CTNNA2: variants seen among roughly 807,000 people sequenced by gnomAD.
The protein encoded by CTNNA2 is catenin alpha 2, also known as catenin alpha-2.
Under a neutral mutation model 101.0 loss-of-function variants are expected in CTNNA2, and 42 were observed. The observed-to-expected ratio is 0.42, with a 90% CI of 0.32 to 0.54. The LOEUF is 0.54. Ranked by LOEUF, CTNNA2 falls within the 20% of genes least tolerant of loss-of-function variation. The pLI is 0.14. For missense variants in CTNNA2, 871 were observed against 1,223.1 expected (o/e 0.71, Z 4.29); for synonymous variants, 450 against 456.4 (o/e 0.99, Z 0.18).
intron 12 of CTNNA2, among the ~76,000 whole-genome samples, chr2:80,557,763 C>G (rs80026444): frequency 0.017 from 2,620 of 152,226 alleles, 76 homozygotes; most frequent in African/African-American, 0.059. Flanking sequence ...AATCTAAAGG[C>G]AAGGACAATT....
intron 3 of CTNNA2, among the ~76,000 whole-genome samples, chr2:79,782,966 CT>C (rs36059702): frequency 0.17 from 24,592 of 145,718 alleles, 3,801 homozygotes; most frequent in African/African-American, 0.4. Context: ...TCTTGACAGT[CT>C]TTTTTTTTTT....
intron 3 of CTNNA2, among the ~76,000 whole-genome samples, chr2:79,822,768 A>G (rs1198379565): frequency 1.3e-5 from 2 of 152,134 alleles, no homozygotes; most frequent in Non-Finnish European, 2.9e-5. Context: ...CACACACCTT[A>G]TATCTGGCCT....
intron 3 of CTNNA2, among the ~76,000 whole-genome samples, chr2:79,804,493 C>G (rs1676412122): frequency 6.6e-6 from 1 of 152,100 alleles, no homozygotes. Flanking sequence ...TTGAACTTTT[C>G]TTGCAGCAGT....
intron 9 of CTNNA2, among the ~76,000 whole-genome samples, chr2:80,520,443 C>G (rs1689447369): frequency 6.6e-6 from 1 of 152,062 alleles, no homozygotes; most frequent in African/African-American, 2.4e-5. Context: ...GGTATTATAA[C>G]AAAATAGCAT....
At chr2:79,501,593 A>G (rs955683012) in intron 4 of CTNNA2, among the ~76,000 whole-genome samples, 1 of 152,240 alleles carries the variant, frequency 6.6e-6, no homozygotes, top group African/African-American at 2.4e-5. Flanking sequence ...AAACAAAATT[A>G]CAAGCCCAGT....
At chr2:79,592,541 T>A (rs1676931879) in intron 1 of CTNNA2, among the ~76,000 whole-genome samples, 1 of 152,130 alleles carries the variant, frequency 6.6e-6, no homozygotes, top group Non-Finnish European at 1.5e-5. Flanking sequence ...TTTTTGTTTT[T>A]TTAACTTGTT....
At chr2:79,962,542 C>T (rs1689715430) in intron 7 of CTNNA2, among the ~76,000 whole-genome samples, 1 of 152,180 alleles carries the variant, frequency 6.6e-6, no homozygotes, top group Non-Finnish European at 1.5e-5. Flanking sequence ...ACCATAACCA[C>T]AGATTTATTT....
At chr2:79,877,998 G>T (rs1025368687) in intron 6 of CTNNA2, among the ~76,000 whole-genome samples, 2 of 152,030 alleles carry the variant, frequency 1.3e-5, no homozygotes, top group Non-Finnish European at 2.9e-5. Context: ...CCTGGTGTGT[G>T]TTGTTCCCCT....
chr2:79,513,161 C>CGGGCGAGAAAGAGGAGG lies in CTNNA2; in HGVS notation c.-51_-35dup, dbSNP rs912635902. ...TGATTACCACTCCAGCTGCTGGGAA[C>CGGGCGAGAAAGAGGAGG]GGGCGAGAAAGAGGAGGAGGCGAGA... On this transcript the variant is annotated 5_prime_UTR_variant, in exon 1 of 19. Transcript: ENST00000402739. 3 of 152,764 alleles carry CGGGCGAGAAAGAGGAGG rather than the reference C, an allele frequency of 2.0e-5. No individual in the cohort carries two copies. The highest frequency in any genetic ancestry group is 2.9e-5 in the Non-Finnish European group (2 of 68,440). 9.5% of individuals were successfully genotyped at this position (152,764 alleles called of 1,614,324 possible).
chr2:79,849,561 C>T (rs539733194), intron 3 of CTNNA2, among the ~76,000 whole-genome samples: 26 of 152,128 alleles, frequency 1.7e-4, no homozygotes, highest in Admixed American at 1.3e-4. Context: ...TCATAGCCAC[C>T]CTGGGGTGAA....
Position 80,158,279 on chromosome 2 carries a change from G to T in CTNNA2, c.1057-234932G>T, listed in dbSNP as rs186047856. 7.4e-4 allele frequency among the ~76,000 whole-genome samples: 112 copies of T among 152,282 alleles called. No individual in the cohort carries two copies. The East Asian group carries it at 0.02, about 28-fold the overall frequency. ...TTTGACTCAAACACACCCCCTTAAA[G>T]AGTTTTGAAATACCATGTACTGTCT... On this transcript the variant is annotated intron_variant, in intron 7 of 18. Transcript: ENST00000402739.
intron 1 of CTNNA2, among the ~76,000 whole-genome samples, chr2:79,630,055 C>T (rs1334022766): frequency 6.6e-6 from 1 of 152,204 alleles, no homozygotes; most frequent in East Asian, 1.9e-4. Context: ...ACCTCTACAG[C>T]TCAGAGCATG....
chr2:80,470,697 G>C (rs1221173288), intron 9 of CTNNA2, among the ~76,000 whole-genome samples: 1 of 152,132 alleles, frequency 6.6e-6, no homozygotes, highest in Non-Finnish European at 1.5e-5. Context: ...TGTCCAAGAC[G>C]GATGTGCTTC....
chr2:79,442,693 T>C lies in CTNNA2; in HGVS notation c.-134-62361T>C, dbSNP rs193223925. Among the ~76,000 whole-genome samples the C allele has an allele frequency of 1.0e-3, 156 of 152,278 alleles. 1 individual carries two copies. The highest frequency in any genetic ancestry group is 3.5e-4 in the Non-Finnish European group (24 of 68,010). On this transcript the variant is annotated intron_variant, in intron 4 of 21. Coordinates refer to the CTNNA2 transcript ENST00000466387. ...TTTCTTTTTTACCCTGATTATTAGG[T>C]GGGAGATTCAAAATGAACATTATCC...
chr2:80,582,762 A>G (rs1251998566), intron 14 of CTNNA2, among the ~76,000 whole-genome samples: 1 of 152,192 alleles, frequency 6.6e-6, no homozygotes, highest in Non-Finnish European at 1.5e-5. Context: ...AAAGATAATG[A>G]ATAGAAAGCA....
At chr2:79,205,170 G>A (rs1674085460) in intron 2 of CTNNA2, among the ~76,000 whole-genome samples, 1 of 152,190 alleles carries the variant, frequency 6.6e-6, no homozygotes. Flanking sequence ...TACAGTGGCA[G>A]ATTGGAGCTT....
intron 3 of CTNNA2, among the ~76,000 whole-genome samples, chr2:79,752,331 G>C (rs1163914616): frequency 6.6e-6 from 1 of 152,156 alleles, no homozygotes; most frequent in Non-Finnish European, 1.5e-5. Context: ...AGGAGATAGT[G>C]ATCACTCTAG....
intron 3 of CTNNA2, among the ~76,000 whole-genome samples, chr2:79,850,529 A>G (rs1680623283): frequency 6.6e-6 from 1 of 152,018 alleles, no homozygotes; most frequent in South Asian, 2.1e-4. Flanking sequence ...AACTCCTAAT[A>G]CAGGTGCAGA....
intron 2 of CTNNA2, among the ~76,000 whole-genome samples, chr2:79,700,476 C>A (rs995745168): frequency 6.6e-6 from 1 of 152,072 alleles, no homozygotes; most frequent in Non-Finnish European, 1.5e-5. Flanking sequence ...TCTCCAGTCC[C>A]TTCTTCCCCA....
Sources: gnomAD v4.1 joint callset for allele counts (sites outside exome capture counted in the v4.1 genomes callset) on GRCh38, gnomAD v4.1.1 for gene constraint, MANE v1.5 for transcripts, NCBI Gene and HGNC (gene_info 2026-07-23, HGNC 2026-07-21) for gene names.